Variants in MAP3K5 observed in about 807,000 individuals in gnomAD.
The protein encoded by MAP3K5 is mitogen-activated protein kinase kinase kinase 5.
In MAP3K5, 56 loss-of-function variants were observed where a neutral mutation model predicts 158.7. The ratio of observed to expected loss-of-function variants is 0.35; its 90% CI spans 0.28 to 0.44. The LOEUF is 0.44. MAP3K5 is among the 20% of genes least tolerant of loss of function. The probability of loss-of-function intolerance (pLI) is 1.00; values close to 1 mark genes in which losing one functional copy is unlikely to be tolerated. For missense variants in MAP3K5, 1,294 were observed against 1,674.8 expected, an observed-to-expected ratio of 0.77 and a Z score of 3.97; for synonymous variants, 579 against 601.7, an observed-to-expected ratio of 0.96 and a Z score of 0.55.
Position 136,583,637 on chromosome 6 carries a change from A to C in MAP3K5, c.3329T>G (p.Leu1110Arg), listed in dbSNP as rs1774985966. The C allele has an allele frequency of 6.2e-7, 1 of 1,614,126 alleles. No homozygotes were observed. The highest frequency in any genetic ancestry group is 8.5e-7 in the Non-Finnish European group (1 of 1,180,046). The part of the protein sequence containing the change: ...STDRKIIATT[L>R]SKLKLELDFD... Reference sequence around the variant, plus strand: ...GTCCAGCTCCAGTTTCAGCTTTGACAGTGTGGTGGCTATGATTTTTCGGTC... The same window carrying C: ...GTCCAGCTCCAGTTTCAGCTTTGACCGTGTGGTGGCTATGATTTTTCGGTC... The change falls in exon 24 of 30, where the codon CTG becomes CGG. Residue 1110 changes from leucine to arginine, a missense_variant. Leu to Arg is a moderately radical substitution (Grantham distance 102, BLOSUM62 -2). Coordinates refer to ENST00000359015, the MANE Select transcript of MAP3K5 (RefSeq NM_005923.4).
intron 8 of MAP3K5, among the ~76,000 whole-genome samples, chr6:136,665,158 T>C (rs370599282): frequency 9.9e-5 from 15 of 152,214 alleles, no homozygotes; most frequent in African/African-American, 3.4e-4. Flanking sequence ...ATGTAAATTT[T>C]TTTTAAATAA....
intron 1 of MAP3K5, among the ~76,000 whole-genome samples, chr6:136,770,067 G>A (rs1214230106): frequency 1.3e-5 from 2 of 152,138 alleles, no homozygotes; most frequent in African/African-American, 4.8e-5. Flanking sequence ...TGGAAGGGGA[G>A]ACCATGTTCA....
At chr6:136,639,890 C>A (rs1777839746) in intron 12 of MAP3K5, among the ~76,000 whole-genome samples, 1 of 152,228 alleles carries the variant, frequency 6.6e-6, no homozygotes, top group African/African-American at 2.4e-5. Flanking sequence ...CACACGTAAA[C>A]TACACATCCT....
chr6:136,684,272 G>A (rs986876449), intron 7 of MAP3K5, among the ~76,000 whole-genome samples: 6 of 151,732 alleles, frequency 4.0e-5, no homozygotes, highest in Admixed American at 2.6e-4. Context: ...TACTTCACAA[G>A]GTTCCTGTAA....
intron 3 of MAP3K5, among the ~76,000 whole-genome samples, chr6:136,698,924 A>G (rs1780727042): frequency 1.3e-5 from 2 of 152,210 alleles, no homozygotes; most frequent in African/African-American, 4.8e-5. Context: ...CATCAATTTA[A>G]TATTTATTCA....
At chr6:136,785,380 A>T (rs1368728239) in intron 1 of MAP3K5, among the ~76,000 whole-genome samples, 1 of 152,222 alleles carries the variant, frequency 6.6e-6, no homozygotes, top group Non-Finnish European at 1.5e-5. Flanking sequence ...TTTAACTAGC[A>T]TGTGCTTCCT....
At chr6:136,649,056 G>A (rs550107256) in intron 11 of MAP3K5, among the ~76,000 whole-genome samples, 2 of 152,136 alleles carry the variant, frequency 1.3e-5, no homozygotes. Flanking sequence ...TGCAACCTCT[G>A]CCTCCCGGGT....
intron 2 of MAP3K5, among the ~76,000 whole-genome samples, chr6:136,711,711 C>A (rs116324437): frequency 1.3e-5 from 2 of 151,620 alleles, no homozygotes; most frequent in South Asian, 2.1e-4. Context: ...AAAGAAAATA[C>A]CTTCTATCTC....
At chr6:136,591,866 A>G (rs963121081) in intron 23 of MAP3K5, among the ~76,000 whole-genome samples, 1 of 152,256 alleles carries the variant, frequency 6.6e-6, no homozygotes, top group African/African-American at 2.4e-5. Flanking sequence ...TGGAATGAAT[A>G]AACAAATGAA....
At chr6:136,708,905 C>G (rs988482264) in intron 2 of MAP3K5, among the ~76,000 whole-genome samples, 2 of 152,160 alleles carry the variant, frequency 1.3e-5, no homozygotes, top group Non-Finnish European at 2.9e-5. Context: ...ATATCCTTCT[C>G]TCTTCCCCTC....
At chr6:136,626,756 T>C (rs1300295748) in intron 14 of MAP3K5, among the ~76,000 whole-genome samples, 2 of 151,686 alleles carry the variant, frequency 1.3e-5, no homozygotes, top group Non-Finnish European at 2.9e-5. Flanking sequence ...CATTTTACAC[T>C]ACAATGCTTT....
Position 136,778,759 on chromosome 6 carries a change from T to A in MAP3K5, c.448+12951A>T, listed in dbSNP as rs904030335. Among the ~76,000 whole-genome samples, 5 of 152,242 alleles carry A rather than the reference T, an allele frequency of 3.3e-5. No individual in the cohort carries two copies. In the East Asian group the frequency reaches 9.6e-4, roughly 29 times the overall value. On this transcript the variant is annotated intron_variant, in intron 1 of 29. Transcript: ENST00000359015. Reference sequence around the variant, plus strand: ...GAATTGGATTCTGCCCCTCAGTAGCTATGTGACACTGAGACCACTGTTGGT... The same window carrying A: ...GAATTGGATTCTGCCCCTCAGTAGCAATGTGACACTGAGACCACTGTTGGT...
At chr6:136,658,313 C>CTTTTTTTTTTTTTT (rs57535051) in intron 9 of MAP3K5, among the ~76,000 whole-genome samples, 1 of 90,484 alleles carries the variant, frequency 1.1e-5, no homozygotes, top group African/African-American at 4.3e-5. Flanking sequence ...TTCTTTCTTT[C>CTTTTTTTTTTTTTT]TTTTTTTTTT....
Position 136,694,130 on chromosome 6 carries a change from A to G in MAP3K5, c.1253+10T>C, listed in dbSNP as rs764654233. On this transcript the variant is annotated intron_variant, in intron 7 of 29. Coordinates refer to ENST00000359015, the MANE Select transcript of MAP3K5 (RefSeq NM_005923.4). ...TAAGTAAGTAGCTCATTTATATACT[A>G]TTTACTTACCAAGAAGCTCCATGGT... 1.6e-5 allele frequency: 25 copies of G among 1,606,122 alleles called. No homozygotes were observed. In the South Asian group the frequency reaches 2.5e-4, roughly 16 times the overall value.
At chr6:136,776,357 A>G (rs1452973601) in intron 1 of MAP3K5, among the ~76,000 whole-genome samples, 1 of 152,026 alleles carries the variant, frequency 6.6e-6, no homozygotes, top group Non-Finnish European at 1.5e-5. Flanking sequence ...TGATCCTCCC[A>G]CCTCAGCCTC....
chr6:136,618,291 T>G (rs907444668), intron 15 of MAP3K5, among the ~76,000 whole-genome samples: 8 of 152,246 alleles, frequency 5.3e-5, no homozygotes, highest in African/African-American at 1.2e-4. Context: ...GAAACAACTT[T>G]GTTTGCTGTA....
intron 24 of MAP3K5, among the ~76,000 whole-genome samples, chr6:136,582,275 T>TACAC (rs1774924876): frequency 6.9e-6 from 1 of 144,794 alleles, no homozygotes; most frequent in Non-Finnish European, 1.5e-5. Flanking sequence ...TGTGTGTGTG[T>TACAC]GTGTGTGTGT....
chr6:136,765,775 C>T (rs1783942643), intron 1 of MAP3K5, among the ~76,000 whole-genome samples: 1 of 151,232 alleles, frequency 6.6e-6, no homozygotes, highest in Non-Finnish European at 1.5e-5. Flanking sequence ...GGTGATCTGC[C>T]CGCCTCCACC....
intron 2 of MAP3K5, among the ~76,000 whole-genome samples, chr6:136,714,767 T>C (rs1049568234): frequency 6.6e-6 from 1 of 152,184 alleles, no homozygotes; most frequent in Non-Finnish European, 1.5e-5. Context: ...TTTAATGTTT[T>C]GGGGAGCTGC....
Sources: allele counts gnomAD v4.1 joint callset (sites outside exome capture counted in the v4.1 genomes callset), GRCh38; gene constraint gnomAD v4.1.1; transcripts MANE v1.5; gene names NCBI Gene and HGNC (gene_info 2026-07-23, HGNC 2026-07-21).